The following FAM227B variants were observed in gnomAD, a reference collection of about 807,000 sequenced individuals.
FAM227B encodes the protein protein FAM227B.
In FAM227B, 88 loss-of-function variants were observed where a neutral mutation model predicts 73.8. The observed-to-expected ratio is 1.19, with a 90% confidence interval of 1.00 to 1.42. The LOEUF (loss-of-function observed/expected upper bound fraction) is 1.42, where lower values mean the gene tolerates loss of function less well. FAM227B is among the 40% of genes most tolerant of loss of function. FAM227B has a pLI of 0.00. For synonymous variants in FAM227B, 210 were observed against 190.5 expected, an observed-to-expected ratio of 1.10 and a Z score of -0.84; for missense variants, 632 against 590.9, an observed-to-expected ratio of 1.07 and a Z score of -0.72.
chr15:49,505,838 A>C (rs2058541263), intron 11 of FAM227B, among the ~76,000 whole-genome samples: 1 of 152,026 alleles, frequency 6.6e-6, no homozygotes, highest in East Asian at 1.9e-4. Flanking sequence ...TTCAAATTAA[A>C]GTGAAGAGAT....
chr15:49,605,224 A>T (rs770507432), intron 3 of FAM227B, among the ~76,000 whole-genome samples: 7 of 152,054 alleles, frequency 4.6e-5, no homozygotes, highest in Non-Finnish European at 1.0e-4. Context: ...GGGTCCATGG[A>T]CTTCCTGTTG....
intron 1 of FAM227B, among the ~76,000 whole-genome samples, chr15:49,617,050 C>A (rs2078334660): frequency 6.6e-6 from 1 of 152,040 alleles, no homozygotes; most frequent in Non-Finnish European, 1.5e-5. Flanking sequence ...CCCTTTTCTT[C>A]TTTAAATGTT....
At chr15:49,494,583 CT>C (rs796953020) in intron 11 of FAM227B, among the ~76,000 whole-genome samples, 1 of 151,848 alleles carries the variant, frequency 6.6e-6, no homozygotes, top group African/African-American at 2.4e-5. Flanking sequence ...GTTGGAGGCT[CT>C]TTTTTTTCCC....
intron 9 of FAM227B, among the ~76,000 whole-genome samples, chr15:49,549,637 G>C (rs1304994014): frequency 5.3e-5 from 8 of 151,676 alleles, no homozygotes; most frequent in Non-Finnish European, 1.0e-4. Flanking sequence ...CGAGAGCACA[G>C]GGTTGGGGGT....
chr15:49,452,186 T>C (rs111746058), intron 11 of FAM227B, among the ~76,000 whole-genome samples: 3,688 of 152,078 alleles, frequency 0.024, 116 homozygotes, highest in South Asian at 0.15. Context: ...GCACTACAGG[T>C]GCATGCTACC....
At position 49,438,886 on chromosome 15, in the gene FAM227B, GAA is replaced by G. The variant is rs1035899112; in HGVS notation, c.1013-67489_1013-67488del. On this transcript the variant is annotated intron_variant, in intron 11 of 15. Transcript: ENST00000299338. ...GAGAAGGAAAGATAAGAGAGAGGGA[GAA>G]AAAAGAGAGAGAAAAAGAGAGAGAG... 2.1e-4 allele frequency among the ~76,000 whole-genome samples: 31 copies of G among 151,068 alleles called. 1 individual carries two copies.
chr15:49,396,909 G>C (rs985536963), intron 11 of FAM227B, among the ~76,000 whole-genome samples: 9 of 152,162 alleles, frequency 5.9e-5, no homozygotes, highest in Non-Finnish European at 1.2e-4. Flanking sequence ...AAACAGAACA[G>C]AAAAACTGGA....
At chr15:49,365,790 T>C in intron 13 of FAM227B, 1 of 851,268 alleles carries the variant, frequency 1.2e-6, no homozygotes, top group Non-Finnish European at 2.1e-6. Context: ...CAATAGCTAT[T>C]GCTATGCACA....
chr15:49,414,754 G>A (rs1308562653), intron 11 of FAM227B, among the ~76,000 whole-genome samples: 1 of 152,028 alleles, frequency 6.6e-6, no homozygotes, highest in Non-Finnish European at 1.5e-5. Context: ...AGGTGTAGAA[G>A]AAGTTGTGGT....
intron 11 of FAM227B, among the ~76,000 whole-genome samples, chr15:49,388,101 C>A (rs1259712103): frequency 1.3e-5 from 2 of 151,744 alleles, no homozygotes; most frequent in South Asian, 2.1e-4. Context: ...AAAATACCAA[C>A]ATTGTTTTTC....
chr15:49,484,308 A>G, intron 11 of FAM227B: 2 of 1,585,004 alleles, frequency 1.3e-6, no homozygotes, highest in Non-Finnish European at 1.7e-6. Context: ...TTGTTTTAAC[A>G]GAAAGAATGC....
intron 8 of FAM227B, among the ~76,000 whole-genome samples, chr15:49,570,735 T>C (rs1248441494): frequency 6.6e-6 from 1 of 150,890 alleles, no homozygotes; most frequent in Non-Finnish European, 1.5e-5. Context: ...TTTCTGTGAC[T>C]GGCTTATTTC....
At position 49,377,577 on chromosome 15, in the gene FAM227B, G is replaced by A. The variant is rs1335775312; in HGVS notation, c.1013-6178C>T. Reference sequence around the variant, plus strand: ...TTCAAGTGGGGTGAGATGGTATCTCGCAGTTTTGATTTGCATTTCTCTGAT... The same window carrying A: ...TTCAAGTGGGGTGAGATGGTATCTCACAGTTTTGATTTGCATTTCTCTGAT... On this transcript the variant is annotated intron_variant, in intron 11 of 15. Transcript: ENST00000299338. 3.3e-5 allele frequency among the ~76,000 whole-genome samples: 5 copies of A among 152,086 alleles called. No individual in the cohort carries two copies. In the East Asian group the frequency reaches 7.7e-4, roughly 24 times the overall value.
chr15:49,390,049 G>C (rs1404239578), intron 11 of FAM227B, among the ~76,000 whole-genome samples: 1 of 152,058 alleles, frequency 6.6e-6, no homozygotes, highest in African/African-American at 2.4e-5. Flanking sequence ...CAAGGCACAA[G>C]GTTGGACTGC....
intron 11 of FAM227B, among the ~76,000 whole-genome samples, chr15:49,439,717 TTC>T (rs1166077162): frequency 1.3e-5 from 2 of 151,778 alleles, no homozygotes; most frequent in Non-Finnish European, 2.9e-5. Context: ...CGTGGCTCTC[TTC>T]TCTTACTGCA....
chr15:49,538,150 A>C (rs2070531651), intron 10 of FAM227B, among the ~76,000 whole-genome samples: 1 of 152,228 alleles, frequency 6.6e-6, no homozygotes, highest in Admixed American at 6.5e-5. Context: ...AAACTTTGCA[A>C]GCCAGGAGAG....
chr15:49,467,371 A>C (rs1347342887), intron 11 of FAM227B, among the ~76,000 whole-genome samples: 1 of 152,098 alleles, frequency 6.6e-6, no homozygotes, highest in Non-Finnish European at 1.5e-5. Context: ...GCTCTCAGAG[A>C]AGGTATAGTC....
rs750500839 is a variant in FAM227B, at chr15:49,508,351, G to T, written c.875-3C>A. On this transcript the variant is annotated splice_polypyrimidine_tract_variant and splice_region_variant and intron_variant, in intron 10 of 15. Coordinates refer to ENST00000299338, the MANE Select transcript of FAM227B (RefSeq NM_152647.3). ...AAAGCCTTTTTGAGGTTTTAAACCT[G>T]TTAATATAAAATACATATTTAGCCA... 1 of 1,567,988 alleles carries T rather than the reference G, an allele frequency of 6.4e-7. No individual in the cohort carries two copies. The highest frequency in any genetic ancestry group is 2.1e-5 in the Admixed American group (1 of 46,856).
At chr15:49,446,606 G>A (rs958679461) in intron 11 of FAM227B, among the ~76,000 whole-genome samples, 4 of 151,378 alleles carry the variant, frequency 2.6e-5, no homozygotes, top group African/African-American at 9.7e-5. Context: ...CTTTTTTAAA[G>A]AAGAGAACAA....
Sources: gnomAD v4.1 joint callset for allele counts (sites outside exome capture counted in the v4.1 genomes callset) on GRCh38, gnomAD v4.1.1 for gene constraint, MANE v1.5 for transcripts, NCBI Gene and HGNC (gene_info 2026-07-23, HGNC 2026-07-21) for gene names.